The following RTN4R variants were observed in gnomAD, a reference collection of about 807,000 sequenced individuals.
RTN4R encodes reticulon 4 receptor, also known as reticulon-4 receptor.
Under a neutral mutation model 27.7 loss-of-function variants are expected in RTN4R, and 4 were observed. The ratio of observed to expected loss-of-function variants is 0.14; its 90% CI spans 0.07 to 0.33. RTN4R has a LOEUF of 0.33. Among genes scored for constraint, RTN4R ranks in the 10% least tolerant of loss-of-function variants. The probability of loss-of-function intolerance (pLI) is 1.00; values close to 1 mark genes in which losing one functional copy is unlikely to be tolerated. For missense variants in RTN4R, 554 were observed against 671.5 expected (o/e 0.83, Z 1.93); for synonymous variants, 290 against 305.6 (o/e 0.95, Z 0.53).
At chr22:20,246,018 T>A (rs1183088006) in intron 1 of RTN4R, among the ~76,000 whole-genome samples, 2 of 152,210 alleles carry the variant, frequency 1.3e-5, no homozygotes, top group Non-Finnish European at 2.9e-5. Flanking sequence ...AACTGGTACA[T>A]CTGTGCCTCT....
At chr22:20,267,076 T>C (rs2051282026) in intron 1 of RTN4R, among the ~76,000 whole-genome samples, 1 of 152,242 alleles carries the variant, frequency 6.6e-6, no homozygotes, top group African/African-American at 2.4e-5. Flanking sequence ...GCATGCCGCG[T>C]GCATGCATGT....
intron 1 of RTN4R, 56 bp downstream of exon 1, chr22:20,268,015 C>T (rs1465902712): frequency 2.3e-5 from 24 of 1,056,316 alleles, no homozygotes; most frequent in East Asian, 8.4e-5. Flanking sequence ...AGGGGGCGAG[C>T]CGCCCCCCTC....
chr22:20,243,464 AAC>A (rs1339429742), intron 1 of RTN4R: 2 of 551,198 alleles, frequency 3.6e-6, no homozygotes, highest in East Asian at 4.7e-5. Flanking sequence ...GACTCCAGTG[AAC>A]ACAGAGCCCG....
At chr22:20,262,529 C>G (rs1391051059) in intron 1 of RTN4R, among the ~76,000 whole-genome samples, 1 of 152,192 alleles carries the variant, frequency 6.6e-6, no homozygotes, top group African/African-American at 2.4e-5. Context: ...GCATTTTGGT[C>G]TTTACTGAGC....
Position 20,255,916 on chromosome 22 carries a change from C to T in RTN4R, c.22+12155G>A, listed in dbSNP as rs892402154. On this transcript the variant is annotated intron_variant, in intron 1 of 1. Transcript: ENST00000043402. The surrounding 1 kb of genome is among the most constrained non-coding windows in gnomAD (Gnocchi z 4.8). ...GCGTCTCCACAACCAAACCGAGGCA[C>T]GCACGCAGCGGCGACGTGAATAAGT... Among the ~76,000 whole-genome samples, 4 of 152,254 alleles carry T rather than the reference C, an allele frequency of 2.6e-5. No homozygotes were observed. The highest frequency in any genetic ancestry group is 4.8e-5 in the African/African-American group (2 of 41,456).
Position 20,242,127 on chromosome 22 carries a change from A to G in RTN4R, c.1006T>C (p.Cys336Arg). Residue 336 changes from cysteine to arginine, a missense_variant, in exon 2 of 2, where the codon TGC becomes CGC. This residue lies in a region of RTN4R where 413 missense variants were observed against 542.3 expected (regional missense o/e 0.76). Transcript: ENST00000043402. ...DEEPLGLPKC[C>R]QPDAADKASV... ...GCCTTGTCAGCGGCATCTGGCTGGC[A>G]GCACTTGGGAAGCCCCAGCGGCTCC... 6.2e-7 allele frequency: 1 copy of G among 1,612,278 alleles called. No homozygotes were observed. The highest frequency in any genetic ancestry group is 8.5e-7 in the Non-Finnish European group (1 of 1,179,554).
At position 20,243,025 on chromosome 22, in the gene RTN4R, C is replaced by T; in HGVS notation, c.108G>A (p.Glu36=). 1 of 1,605,854 alleles carries T rather than the reference C, an allele frequency of 6.2e-7. No individual in the cohort carries two copies. ...PCPGACVCYN[E]PKVTTSCPQQ... is the part of the protein sequence containing the mutation. Reference sequence around the variant, plus strand: ...GGGGGCAGCTTGTCGTCACCTTGGGCTCATTGTAGCATACGCAGGCACCTG... The same window carrying T: ...GGGGGCAGCTTGTCGTCACCTTGGGTTCATTGTAGCATACGCAGGCACCTG... The change falls in exon 2 of 2, where the codon GAG becomes GAA. Residue 36 remains glutamate, a synonymous_variant. Coordinates refer to ENST00000043402, the MANE Select transcript of RTN4R (RefSeq NM_023004.6).
chr22:20,242,423 T>C lies in RTN4R; in HGVS notation c.710A>G (p.Asn237Ser). 6.2e-7 allele frequency: 1 copy of C among 1,613,254 alleles called. No homozygotes were observed. The highest frequency in any genetic ancestry group is 1.1e-5 in the South Asian group (1 of 91,070). Residue 237 changes from asparagine (N) to serine (S), a missense_variant, in exon 2 of 2, where the codon AAT becomes AGT. Physicochemically the swap from Asn to Ser is conservative, Grantham distance 46. Around this residue, in one of 2 missense-constraint regions of RTN4R, gnomAD observed 413 missense variants for 542.3 expected, o/e 0.76. Coordinates refer to ENST00000043402, the MANE Select transcript of RTN4R (RefSeq NM_023004.6). The stretch of plus-strand genomic sequence containing the variant: ...GGCCTCAGTGGGCAGCGCTGATAGA[T>C]TGTTGGCAAACAGATAGAGTGTCAT... ...RLMTLYLFAN[N>S]LSALPTEALA...
intron 1 of RTN4R, among the ~76,000 whole-genome samples, chr22:20,249,719 CG>C (rs909074442): frequency 6.6e-6 from 1 of 152,202 alleles, no homozygotes; most frequent in African/African-American, 2.4e-5. Flanking sequence ...GTCTGCATGC[CG>C]CTGCGGCAGA....
Position 20,255,512 on chromosome 22 carries a change from C to A in RTN4R, c.23-12402G>T, listed in dbSNP as rs1469625267. 6.6e-6 allele frequency among the ~76,000 whole-genome samples: 1 copy of A among 152,192 alleles called. No homozygotes were observed. Among genetic ancestry groups the A allele is most frequent in the Non-Finnish European group, 1.5e-5 (1 of 68,024 alleles). ...CTCCCAGGACACTATGGGCTCTTGG[C>A]CCCAGAGACTCTGCAATCCAGACAC... On this transcript the variant is annotated intron_variant, in intron 1 of 1. Coordinates refer to ENST00000043402, the MANE Select transcript of RTN4R (RefSeq NM_023004.6). The surrounding 1 kb of genome is among the most constrained non-coding windows in gnomAD (Gnocchi z 4.8).
chr22:20,248,067 A>T (rs1288451563), intron 1 of RTN4R, among the ~76,000 whole-genome samples: 1 of 152,192 alleles, frequency 6.6e-6, no homozygotes, highest in Non-Finnish European at 1.5e-5. Context: ...CAATCCAGCA[A>T]ATTCTCTTGG....
At chr22:20,247,065 G>A (rs1250833376) in intron 1 of RTN4R, among the ~76,000 whole-genome samples, 2 of 152,186 alleles carry the variant, frequency 1.3e-5, no homozygotes. Flanking sequence ...AGTAATGGGG[G>A]AGGGTGTGGA....
Position 20,268,279 on chromosome 22 carries a change from G to T in RTN4R, c.-187C>A. ...GGCTCGGGCCGCGGGTGCGCAGGGC[G>T]CGCAGGGCGCACAGGGCGAGGGCGG... On this transcript the variant is annotated 5_prime_UTR_variant, in exon 1 of 2. Coordinates refer to ENST00000043402, the MANE Select transcript of RTN4R (RefSeq NM_023004.6). The T allele has an allele frequency of 6.6e-6, 1 of 151,170 alleles. No individual in the cohort carries two copies. Among genetic ancestry groups the T allele is most frequent in the South Asian group, 1.8e-4 (1 of 5,622 alleles). 9.4% of individuals were successfully genotyped at this position (151,170 alleles called of 1,614,324 possible).
At chr22:20,259,271 C>T (rs1380544320) in intron 1 of RTN4R, among the ~76,000 whole-genome samples, 3 of 152,194 alleles carry the variant, frequency 2.0e-5, no homozygotes, top group African/African-American at 2.4e-5. Context: ...GACGGGTCCT[C>T]GCGGTGACAT....
At chr22:20,253,349 T>C (rs2051195092) in intron 1 of RTN4R, among the ~76,000 whole-genome samples, 1 of 152,184 alleles carries the variant, frequency 6.6e-6, no homozygotes. Context: ...GCAACACTGA[T>C]GGTCCCCCTC....
At chr22:20,243,386 G>A in intron 1 of RTN4R, 1 of 680,786 alleles carries the variant, frequency 1.5e-6, no homozygotes, top group Non-Finnish European at 2.8e-6. Context: ...GCAGCCCACT[G>A]GGTCACCAGG....
In RTN4R at chr22:20,243,024, G is replaced by A. The variant is rs1190776162; in HGVS notation, c.109C>T (p.Pro37Ser). The A allele has an allele frequency of 6.2e-7, 1 of 1,605,852 alleles. No individual in the cohort carries two copies. The highest frequency in any genetic ancestry group is 8.5e-7 in the Non-Finnish European group (1 of 1,179,936). ...TGGGGGCAGCTTGTCGTCACCTTGG[G>A]CTCATTGTAGCATACGCAGGCACCT... is the stretch of plus-strand genomic sequence containing the variant. ...CPGACVCYNE[P>S]KVTTSCPQQG... The change falls in exon 2 of 2, where the codon CCC (proline) becomes TCC (serine). Residue 37 changes from proline (P) to serine (S), a missense_variant. Pro to Ser is a moderately conservative substitution (Grantham distance 74, BLOSUM62 -1). Around this residue, in one of 2 missense-constraint regions of RTN4R, gnomAD observed 413 missense variants for 542.3 expected, o/e 0.76. Coordinates refer to ENST00000043402, the MANE Select transcript of RTN4R (RefSeq NM_023004.6).
chr22:20,254,811 G>T (rs2051202902), intron 1 of RTN4R, among the ~76,000 whole-genome samples: 1 of 152,154 alleles, frequency 6.6e-6, no homozygotes, highest in African/African-American at 2.4e-5. Flanking sequence ...GACCCCAATA[G>T]AAGCCCTGAT....
intron 1 of RTN4R, chr22:20,267,830 C>A: frequency 2.8e-6 from 1 of 357,210 alleles, no homozygotes; most frequent in Non-Finnish European, 5.4e-6. Context: ...TCGGCCCTGC[C>A]GAAGCCGTCA....
Sources: allele counts gnomAD v4.1 joint callset (sites outside exome capture counted in the v4.1 genomes callset), GRCh38; gene constraint gnomAD v4.1.1; regional missense constraint gnomAD v4.1.1; non-coding constraint Gnocchi (gnomAD v3.1); transcripts MANE v1.5; gene names NCBI Gene and HGNC (gene_info 2026-07-23, HGNC 2026-07-21).